MTX2: variants seen among roughly 807,000 people sequenced by gnomAD.
MTX2 encodes metaxin-2.
MTX2 carries 35 observed loss-of-function variants against 42.3 expected under a neutral mutation model. That is an observed-to-expected ratio of 0.83 (90% confidence interval 0.63 to 1.10). The LOEUF (loss-of-function observed/expected upper bound fraction) is 1.10, where lower values mean the gene tolerates loss of function less well. Ranked by LOEUF, MTX2 falls within the 50% of genes least tolerant of loss-of-function variation. The probability of loss-of-function intolerance (pLI) is 0.00; values close to 1 mark genes in which losing one functional copy is unlikely to be tolerated. For missense variants in MTX2, 307 were observed against 304.1 expected, an observed-to-expected ratio of 1.01 and a Z score of -0.07; for synonymous variants, 119 against 100.9, an observed-to-expected ratio of 1.18 and a Z score of -1.08.
chr2:176,309,591 A>G (rs1374992916), intron 3 of MTX2, among the ~76,000 whole-genome samples: 3 of 152,130 alleles, frequency 2.0e-5, no homozygotes, highest in Non-Finnish European at 4.4e-5. Flanking sequence ...TTGGGTGCAT[A>G]TATATTTAGG....
intron 3 of MTX2, among the ~76,000 whole-genome samples, chr2:176,312,836 C>G (rs1270603283): frequency 7.5e-6 from 1 of 134,192 alleles, no homozygotes; most frequent in Non-Finnish European, 1.5e-5. Context: ...GCACTCCAGC[C>G]TGGGCAACAA....
At chr2:176,319,185 A>G (rs1464008282) in intron 3 of MTX2, among the ~76,000 whole-genome samples, 1 of 152,206 alleles carries the variant, frequency 6.6e-6, no homozygotes, top group Non-Finnish European at 1.5e-5. Context: ...TTTGACTTCC[A>G]TAAGAATAAA....
rs780876427 is a variant in MTX2 at position 176,337,613 on chromosome 2, G to A, written c.741G>A (p.Arg247=). Reference sequence around the variant, plus strand: ...ATAGCAACCTCCTTGCTTTCTGTAGGAGAATTGAACAGCACTATTTTGAAG... The same window carrying A: ...ATAGCAACCTCCTTGCTTTCTGTAGAAGAATTGAACAGCACTATTTTGAAG... ...KNYSNLLAFC[R]RIEQHYFEDR... The change falls in exon 10 of 10, where the codon AGG becomes AGA. Residue 247 remains arginine (R), a synonymous_variant. Coordinates refer to ENST00000249442, the MANE Select transcript of MTX2 (RefSeq NM_006554.5). 12 of 1,613,190 alleles carry A rather than the reference G, an allele frequency of 7.4e-6. No individual in the cohort carries two copies. The highest frequency in any genetic ancestry group is 1.1e-5 in the South Asian group (1 of 90,936).
chr2:176,277,583 G>T (rs1261148205), intron 1 of MTX2, among the ~76,000 whole-genome samples: 2 of 152,008 alleles, frequency 1.3e-5, no homozygotes, highest in African/African-American at 4.8e-5. Flanking sequence ...TGTATTTTTA[G>T]TAGAGACCGG....
chr2:176,291,393 A>C (rs532270795), intron 1 of MTX2, among the ~76,000 whole-genome samples: 15 of 152,310 alleles, frequency 9.8e-5, no homozygotes, highest in Non-Finnish European at 2.2e-4. Flanking sequence ...AGCAACATTT[A>C]CTGATTACCT....
At chr2:176,272,534 GTTA>G (rs1475535276) in intron 1 of MTX2, among the ~76,000 whole-genome samples, 1 of 152,068 alleles carries the variant, frequency 6.6e-6, no homozygotes, top group East Asian at 1.9e-4. Context: ...TAAATGTACA[GTTA>G]TTATTTGTCA....
chr2:176,295,814 T>C (rs1010220590), intron 1 of MTX2, among the ~76,000 whole-genome samples: 17 of 152,314 alleles, frequency 1.1e-4, no homozygotes, highest in African/African-American at 4.1e-4. Context: ...TAAATTTCTT[T>C]TAAAAAATCA....
intron 3 of MTX2, among the ~76,000 whole-genome samples, chr2:176,305,189 A>G (rs1167305352): frequency 1.3e-5 from 2 of 152,016 alleles, no homozygotes; most frequent in African/African-American, 2.4e-5. Context: ...GTCATTGGCA[A>G]GTGTTTCAAT....
intron 3 of MTX2, among the ~76,000 whole-genome samples, chr2:176,310,205 CT>C (rs780830589): frequency 6.6e-5 from 10 of 151,914 alleles, no homozygotes; most frequent in Admixed American, 4.6e-4. Context: ...GTTGAAAATT[CT>C]TTTCTTTAAC....
chr2:176,284,801 G>A (rs1425675028), intron 1 of MTX2, among the ~76,000 whole-genome samples: 1 of 152,142 alleles, frequency 6.6e-6, no homozygotes, highest in Non-Finnish European at 1.5e-5. Flanking sequence ...AAGATAAAAA[G>A]AACATAATCT....
intron 3 of MTX2, among the ~76,000 whole-genome samples, chr2:176,309,104 T>C (rs777255307): frequency 3.3e-5 from 5 of 152,218 alleles, no homozygotes; most frequent in African/African-American, 7.2e-5. Flanking sequence ...TTTGTTCTTA[T>C]TGGTTTCAAA....
chr2:176,284,106 CT>C (rs564311548), intron 1 of MTX2, among the ~76,000 whole-genome samples: 53 of 147,000 alleles, frequency 3.6e-4, no homozygotes, highest in Non-Finnish European at 5.4e-4. Flanking sequence ...GGATTTTTTT[CT>C]TTTTTTTTTC....
At chr2:176,320,910 T>G (rs1349641805) in intron 3 of MTX2, among the ~76,000 whole-genome samples, 2 of 152,108 alleles carry the variant, frequency 1.3e-5, no homozygotes, top group Middle Eastern at 3.2e-3. Context: ...TTTTCTAAGC[T>G]GGTCTTGAAC....
chr2:176,321,540 A>C (rs1684582717), intron 3 of MTX2, among the ~76,000 whole-genome samples: 1 of 152,182 alleles, frequency 6.6e-6, no homozygotes, highest in Non-Finnish European at 1.5e-5. Context: ...TGGTGACTAC[A>C]TGATTATCAA....
intron 1 of MTX2, among the ~76,000 whole-genome samples, chr2:176,283,467 CCTT>C (rs1291205232): frequency 8.5e-5 from 13 of 152,164 alleles, no homozygotes; most frequent in East Asian, 7.7e-4. Context: ...TTTCCTGTTT[CCTT>C]CTTCTTGGAG....
intron 1 of MTX2, among the ~76,000 whole-genome samples, chr2:176,275,326 C>T (rs572904439): frequency 1.3e-5 from 2 of 151,928 alleles, no homozygotes; most frequent in Non-Finnish European, 2.9e-5. Flanking sequence ...GCAACCTCCA[C>T]CTCCCAGGTT....
intron 1 of MTX2, among the ~76,000 whole-genome samples, chr2:176,275,628 T>G (rs1343211573): frequency 1.3e-5 from 2 of 152,236 alleles, no homozygotes; most frequent in Non-Finnish European, 2.9e-5. Context: ...TTCACTTTTT[T>G]TAATGGAGAG....
At chr2:176,325,884 T>G (rs1474085659) in intron 4 of MTX2, among the ~76,000 whole-genome samples, 1 of 151,790 alleles carries the variant, frequency 6.6e-6, no homozygotes, top group Non-Finnish European at 1.5e-5. Flanking sequence ...CTGCCTTTTC[T>G]TTGTAATGCA....
intron 1 of MTX2, among the ~76,000 whole-genome samples, chr2:176,275,338 A>G (rs542004807): frequency 1.3e-5 from 2 of 151,776 alleles, no homozygotes; most frequent in Non-Finnish European, 2.9e-5. Flanking sequence ...TCCCAGGTTC[A>G]AGTTATTCTC....
Sources: allele counts gnomAD v4.1 joint callset (sites outside exome capture counted in the v4.1 genomes callset), GRCh38; gene constraint gnomAD v4.1.1; transcripts MANE v1.5; gene names NCBI Gene and HGNC (gene_info 2026-07-23, HGNC 2026-07-21).